NRXN3: variants seen among roughly 807,000 people sequenced by gnomAD.
The protein encoded by NRXN3 is neurexin III.
In NRXN3, 32 loss-of-function variants were observed where a neutral mutation model predicts 137.6. The ratio of observed to expected loss-of-function variants is 0.23; its 90% confidence interval spans 0.18 to 0.31. NRXN3 has a LOEUF of 0.31. Among genes scored for constraint, NRXN3 ranks in the 10% least tolerant of loss-of-function variants. The pLI, the probability that NRXN3 is intolerant of heterozygous loss-of-function variation, is 1.00. For missense variants in NRXN3, 1,574 were observed against 2,062.5 expected, an observed-to-expected ratio of 0.76 and a Z score of 4.59; for synonymous variants, 798 against 784.5, an observed-to-expected ratio of 1.02 and a Z score of -0.29.
intron 15 of NRXN3, among the ~76,000 whole-genome samples, chr14:79,131,603 A>T (rs969652496): frequency 6.6e-6 from 1 of 152,222 alleles, no homozygotes. Context: ...GGGTCATTTA[A>T]GTCTGCAGAG....
At chr14:79,061,699 A>G (rs770905599) in intron 15 of NRXN3, among the ~76,000 whole-genome samples, 2 of 152,184 alleles carry the variant, frequency 1.3e-5, no homozygotes, top group African/African-American at 4.8e-5. Flanking sequence ...TACGGCATCA[A>G]GGATTACCTT....
chr14:78,243,271 T>G lies in NRXN3; in HGVS notation c.178T>G (p.Ser60Ala). 6.4e-7 allele frequency: 1 copy of G among 1,561,224 alleles called. No individual in the cohort carries two copies. ...GAGTTTCCAGTTCAAGACCAACGTC[T>G]CTACGGGGCTGCTCCTCTACCTGGA... is the stretch of plus-strand genomic sequence containing the variant. ...DLSFQFKTNVSTGLLLYLDDG... is the reference protein window; with the variant it reads ...DLSFQFKTNVATGLLLYLDDG... The change falls in exon 2 of 21, where the codon TCT becomes GCT. Residue 60 changes from serine to alanine, a missense_variant. Ser to Ala is a moderately conservative substitution (Grantham distance 99). This residue lies in a region of NRXN3 where 400 missense variants were observed against 527.3 expected (regional missense o/e 0.76). Coordinates refer to ENST00000335750, the MANE Select transcript of NRXN3 (RefSeq NM_001330195.2). This position sits in a 1 kb window ranked among gnomAD's most constrained non-coding sequence, Gnocchi z 4.2.
intron 1 of NRXN3, among the ~76,000 whole-genome samples, chr14:78,199,012 C>A (rs1046759332): frequency 2.0e-5 from 3 of 152,124 alleles, no homozygotes; most frequent in African/African-American, 7.2e-5. Context: ...GCTCCTGGCT[C>A]CAAGGAACAT....
At chr14:78,611,208 G>A (rs1486596021) in intron 4 of NRXN3, among the ~76,000 whole-genome samples, 1 of 152,180 alleles carries the variant, frequency 6.6e-6, no homozygotes, top group African/African-American at 2.4e-5. Context: ...CAGATAATGG[G>A]CAATAACACA....
intron 4 of NRXN3, among the ~76,000 whole-genome samples, chr14:78,397,884 C>A (rs2091642673): frequency 6.6e-6 from 1 of 150,984 alleles, no homozygotes; most frequent in South Asian, 2.1e-4. Flanking sequence ...GGATTACAGG[C>A]ATGAGCCACT....
rs893052621 is a variant in NRXN3, at chr14:79,002,036, A to G, written c.3262+13895A>G. On this transcript the variant is annotated intron_variant, in intron 15 of 20. Transcript: ENST00000335750. Reference sequence around the variant, plus strand: ...GTTGTGTATTCACCCTGTTTCCTAGAGAATCAACTTTCCTACTTTGTGCTT... The same window carrying G: ...GTTGTGTATTCACCCTGTTTCCTAGGGAATCAACTTTCCTACTTTGTGCTT... Among the ~76,000 whole-genome samples, 3 of 152,178 alleles carry G rather than the reference A, an allele frequency of 2.0e-5. No individual in the cohort carries two copies. In the East Asian group the frequency reaches 5.8e-4, roughly 29 times the overall value.
At chr14:79,076,084 CT>C (rs1418210790) in intron 15 of NRXN3, among the ~76,000 whole-genome samples, 12 of 152,122 alleles carry the variant, frequency 7.9e-5, no homozygotes, top group African/African-American at 2.9e-4. Context: ...GAGTTAGAGC[CT>C]TGTCTTATAA....
chr14:79,293,497 C>T (rs1364607066), intron 15 of NRXN3, among the ~76,000 whole-genome samples: 2 of 152,204 alleles, frequency 1.3e-5, no homozygotes, highest in East Asian at 1.9e-4. Flanking sequence ...AGAGGCAAGG[C>T]GAGGGCAACG....
At chr14:79,265,142 C>G (rs912738944) in intron 15 of NRXN3, among the ~76,000 whole-genome samples, 1 of 151,372 alleles carries the variant, frequency 6.6e-6, no homozygotes, top group Non-Finnish European at 1.5e-5. Flanking sequence ...TTTGGGTCCT[C>G]CAAGTGATCA....
chr14:79,688,816 G>T (rs1187431858), intron 17 of NRXN3, among the ~76,000 whole-genome samples: 1 of 152,080 alleles, frequency 6.6e-6, no homozygotes, highest in Non-Finnish European at 1.5e-5. Context: ...AGAGCCAGTG[G>T]TCCAAATGAA....
chr14:79,215,242 A>G (rs902454083), intron 15 of NRXN3, among the ~76,000 whole-genome samples: 3 of 152,178 alleles, frequency 2.0e-5, no homozygotes, highest in Admixed American at 1.3e-4. Context: ...CACAATATTG[A>G]TGGCCCATCC....
intron 16 of NRXN3, among the ~76,000 whole-genome samples, chr14:79,552,870 G>C (rs1241720358): frequency 6.6e-6 from 1 of 152,136 alleles, no homozygotes; most frequent in African/African-American, 2.4e-5. Context: ...AACTCTGTCT[G>C]GGTGTGTTGT....
At chr14:79,742,743 C>T (rs1020605693) in intron 19 of NRXN3, among the ~76,000 whole-genome samples, 1 of 152,142 alleles carries the variant, frequency 6.6e-6, no homozygotes, top group African/African-American at 2.4e-5. Context: ...GCCTATATTA[C>T]CGCAATTTCT....
In NRXN3 at chr14:78,999,393, A is replaced by G. The variant is rs17108512; in HGVS notation, c.3262+11252A>G. 3.4e-3 allele frequency among the ~76,000 whole-genome samples: 525 copies of G among 152,312 alleles called. 4 individuals carry two copies. Among genetic ancestry groups the G allele is most frequent in the Non-Finnish European group, 5.5e-3 (377 of 68,018 alleles). Reference sequence around the variant, plus strand: ...AATATGACCTTGTTTCAGAATATGCATGATGTCAGGCACATAACAGATACT... The same window carrying G: ...AATATGACCTTGTTTCAGAATATGCGTGATGTCAGGCACATAACAGATACT... On this transcript the variant is annotated intron_variant, in intron 15 of 20. Transcript: ENST00000335750.
chr14:79,462,611 A>G (rs1044468296), intron 15 of NRXN3, among the ~76,000 whole-genome samples: 4 of 150,994 alleles, frequency 2.6e-5, no homozygotes, highest in Non-Finnish European at 4.4e-5. Context: ...TTAGCTATAT[A>G]TATATATACA....
chr14:79,257,582 GGTAATGA>G, intron 15 of NRXN3, among the ~76,000 whole-genome samples: 1 of 129,134 alleles, frequency 7.7e-6, no homozygotes, highest in Non-Finnish European at 1.6e-5. Context: ...TGGTGGTGAT[GGTAATGA>G]TGGTGGTGGT....
At chr14:78,178,748 AG>A in intron 1 of NRXN3, among the ~76,000 whole-genome samples, 1 of 152,220 alleles carries the variant, frequency 6.6e-6, no homozygotes, top group Non-Finnish European at 1.5e-5. Context: ...TGGTGATCAG[AG>A]GGGTTAAATC....
intron 2 of NRXN3, among the ~76,000 whole-genome samples, chr14:78,250,635 G>T (rs150723373): frequency 2.3e-4 from 35 of 152,340 alleles, no homozygotes; most frequent in Admixed American, 1.9e-3. Flanking sequence ...CACCCAGTGA[G>T]GCAGGTAGGG....
chr14:79,326,889 C>T (rs1266083322), intron 15 of NRXN3, among the ~76,000 whole-genome samples: 2 of 152,182 alleles, frequency 1.3e-5, no homozygotes, highest in African/African-American at 2.4e-5. Context: ...AACTGGTCCT[C>T]TCTCTGACTG....
Sources: allele counts gnomAD v4.1 joint callset (sites outside exome capture counted in the v4.1 genomes callset), GRCh38; gene constraint gnomAD v4.1.1; regional missense constraint gnomAD v4.1.1; non-coding constraint Gnocchi (gnomAD v3.1); transcripts MANE v1.5; gene names NCBI Gene and HGNC (gene_info 2026-07-23, HGNC 2026-07-21).